Variants in SCN8A observed in about 807,000 individuals in gnomAD.
The protein encoded by SCN8A is sodium voltage-gated channel alpha subunit 8, also known as sodium channel protein type 8 subunit alpha.
SCN8A carries 30 observed loss-of-function variants against 184.1 expected under a neutral mutation model. That is an observed-to-expected ratio of 0.16 (90% CI 0.12 to 0.22). The LOEUF (loss-of-function observed/expected upper bound fraction) is 0.22, where lower values mean the gene tolerates loss of function less well. SCN8A is among the 10% of genes least tolerant of loss of function. SCN8A has a pLI of 1.00. For missense variants in SCN8A, 1,057 were observed against 2,498.9 expected, an observed-to-expected ratio of 0.42 and a Z score of 12.30; for synonymous variants, 852 against 907.0, an observed-to-expected ratio of 0.94 and a Z score of 1.09.
At chr12:51,674,333 ATCT>A (rs1484629760) in intron 2 of SCN8A, among the ~76,000 whole-genome samples, 10 of 150,114 alleles carry the variant, frequency 6.7e-5, no homozygotes, top group Middle Eastern at 3.5e-3. Context: ...CCTTCTTGTC[ATCT>A]TCTTTTTTTT....
At chr12:51,736,173 T>G (rs573495936) in intron 12 of SCN8A, among the ~76,000 whole-genome samples, 1 of 152,314 alleles carries the variant, frequency 6.6e-6, no homozygotes, top group East Asian at 1.9e-4. Flanking sequence ...AGTAATGTGT[T>G]TAATATTCCA....
At chr12:51,607,783 G>T (rs928537606) in intron 1 of SCN8A, among the ~76,000 whole-genome samples, 1 of 152,120 alleles carries the variant, frequency 6.6e-6, no homozygotes, top group Non-Finnish European at 1.5e-5. Flanking sequence ...AAACCCACTT[G>T]ATCATGGTGG....
At chr12:51,749,865 C>G (rs763901529) in intron 13 of SCN8A, among the ~76,000 whole-genome samples, 2 of 151,984 alleles carry the variant, frequency 1.3e-5, no homozygotes, top group Non-Finnish European at 1.5e-5. Flanking sequence ...CAGAATTGAA[C>G]AGAGAGAGAG....
Position 51,790,585 on chromosome 12 carries a change from A to G in SCN8A, c.4524+83A>G, listed in dbSNP as rs1376999233. The stretch of plus-strand genomic sequence containing the variant: ...TAGAGTTACTGCAAAGGAAGGAAAA[A>G]GGTAAGTGATTGGCTGCTTTGTGCC... On this transcript the variant is annotated intron_variant, in intron 25 of 26. Transcript: ENST00000627620. The G allele has an allele frequency of 5.5e-6, 5 of 902,516 alleles. No individual in the cohort carries two copies. The African/African-American group carries it at 6.7e-5, about 12-fold the overall frequency. 55.9% of individuals were successfully genotyped at this position (902,516 alleles called of 1,614,324 possible).
chr12:51,646,592 T>C (rs1253555016), intron 1 of SCN8A, among the ~76,000 whole-genome samples: 1 of 152,236 alleles, frequency 6.6e-6, no homozygotes, highest in Non-Finnish European at 1.5e-5. Flanking sequence ...GAAACACTTT[T>C]CAGTTTTAGA....
At position 51,812,079 on chromosome 12, in the gene SCN8A, T is replaced by G. The variant is rs1045436790; in HGVS notation, c.*4650T>G. ...GTTTCCATTGTTCAGCTCTGTGCTT[T>G]CTTGGATTCCCTTTCCAAGATTACC... On this transcript the variant is annotated 3_prime_UTR_variant, in exon 27 of 27. Transcript: ENST00000627620. 1 of 152,278 alleles carries G rather than the reference T, an allele frequency of 6.6e-6. No individual in the cohort carries two copies. Among genetic ancestry groups the G allele is most frequent in the Non-Finnish European group, 1.5e-5 (1 of 68,164 alleles). 9.4% of individuals were successfully genotyped at this position (152,278 alleles called of 1,614,324 possible).
At chr12:51,620,972 G>A (rs1342286703) in intron 1 of SCN8A, among the ~76,000 whole-genome samples, 1 of 152,182 alleles carries the variant, frequency 6.6e-6, no homozygotes, top group Non-Finnish European at 1.5e-5. Flanking sequence ...GGGTGACAGA[G>A]TGAGACCCTG....
At chr12:51,695,108 AT>A (rs1332487270) in intron 6 of SCN8A, among the ~76,000 whole-genome samples, 1 of 151,714 alleles carries the variant, frequency 6.6e-6, no homozygotes, top group Non-Finnish European at 1.5e-5. Flanking sequence ...TTGCCTTCTC[AT>A]TTTCTCTTGG....
intron 16 of SCN8A, among the ~76,000 whole-genome samples, chr12:51,767,741 G>A (rs753041557): frequency 6.6e-6 from 1 of 152,136 alleles, no homozygotes. Flanking sequence ...AGATTCTAAT[G>A]CATGCTAAGA....
At chr12:51,692,992 T>C (rs1941536676) in intron 6 of SCN8A, among the ~76,000 whole-genome samples, 1 of 152,252 alleles carries the variant, frequency 6.6e-6, no homozygotes, top group African/African-American at 2.4e-5. Flanking sequence ...AATTGTACTT[T>C]CTTGATTATT....
chr12:51,757,312 A>ATT (rs56121313), intron 14 of SCN8A, among the ~76,000 whole-genome samples: 11 of 150,418 alleles, frequency 7.3e-5, no homozygotes, highest in Non-Finnish European at 1.2e-4. Context: ...TCATGGTCAC[A>ATT]TTTTTTTTTT....
intron 1 of SCN8A, among the ~76,000 whole-genome samples, chr12:51,652,666 G>A (rs1940741392): frequency 6.6e-6 from 1 of 152,000 alleles, no homozygotes; most frequent in African/African-American, 2.4e-5. Flanking sequence ...TCTTCTTCCT[G>A]CAAAGCTCTA....
chr12:51,758,477 G>C (rs1434010077), intron 14 of SCN8A, among the ~76,000 whole-genome samples: 1 of 152,088 alleles, frequency 6.6e-6, no homozygotes, highest in African/African-American at 2.4e-5. Flanking sequence ...TCACTCTGTC[G>C]CCCAGGCTGG....
rs145180064 is a variant in SCN8A, at chr12:51,755,352, G to A, written c.2370+3759G>A. ...TTAGACTTCCTCTGATGTGGCCAGT[G>A]GAAATTCCTTCAAGCTGGCTTCTGA... On this transcript the variant is annotated intron_variant, in intron 14 of 26. Coordinates refer to ENST00000627620, the MANE Select transcript of SCN8A (RefSeq NM_001330260.2). 7.3e-3 allele frequency among the ~76,000 whole-genome samples: 1,106 copies of A among 152,312 alleles called. 10 individuals are homozygous for A. The highest frequency in any genetic ancestry group is 0.024 in the African/African-American group (1,015 of 41,562).
At chr12:51,671,838 G>C (rs145651195) in intron 2 of SCN8A, among the ~76,000 whole-genome samples, 14 of 152,262 alleles carry the variant, frequency 9.2e-5, no homozygotes, top group African/African-American at 3.4e-4. Context: ...TGCTAACTCT[G>C]ATTTTACCAG....
At position 51,770,133 on chromosome 12, in the gene SCN8A, A is replaced by G. The variant is rs371240767; in HGVS notation, c.3490+148A>G. The G allele has an allele frequency of 1.9e-4, 124 of 645,448 alleles. No homozygotes were observed. The African/African-American group carries it at 2.1e-3, about 11-fold the overall frequency. The allele number at this position is 645,448 out of a possible 1,614,324, so 40.0% of individuals were successfully genotyped here. On this transcript the variant is annotated intron_variant, in intron 18 of 26. Transcript: ENST00000627620. ...CCCCACCATTTTGAAGGAAACTTAG[A>G]TTGTTTCCCCTATTTGTATCTGACA...
At chr12:51,713,329 A>G (rs1408481079) in intron 11 of SCN8A, 1 of 1,086,688 alleles carries the variant, frequency 9.2e-7, no homozygotes, top group Non-Finnish European at 1.4e-6. Context: ...TCAAGCACAC[A>G]TTGCTGCATC....
intron 26 of SCN8A, among the ~76,000 whole-genome samples, chr12:51,800,076 C>G (rs1270577585): frequency 6.6e-6 from 1 of 152,220 alleles, no homozygotes; most frequent in Non-Finnish European, 1.5e-5. Flanking sequence ...TCTCTGCGAG[C>G]AAGATTATGA....
intron 11 of SCN8A, chr12:51,712,791 A>C: frequency 8.5e-7 from 1 of 1,177,032 alleles, no homozygotes. Context: ...TGCCACCGTC[A>C]CTTCCAAATC....
Sources: gnomAD v4.1 joint callset for allele counts (sites outside exome capture counted in the v4.1 genomes callset) on GRCh38, gnomAD v4.1.1 for gene constraint, MANE v1.5 for transcripts, NCBI Gene and HGNC (gene_info 2026-07-23, HGNC 2026-07-21) for gene names.